Variants in PRKG1 observed in about 807,000 individuals in gnomAD.
The protein encoded by PRKG1 is protein kinase cGMP-dependent 1.
A neutral mutation model predicts 88.1 loss-of-function variants in PRKG1; 35 were observed. The observed-to-expected ratio is 0.40, with a 90% CI of 0.30 to 0.53. PRKG1 has a LOEUF of 0.53. Ranked by LOEUF, PRKG1 falls within the 20% of genes least tolerant of loss-of-function variation. The pLI is 0.59. For synonymous variants in PRKG1, 303 were observed against 292.5 expected (o/e 1.04, Z -0.37); for missense variants, 540 against 839.8 (o/e 0.64, Z 4.41).
At chr10:52,244,190 GTCT>G (rs1390488078) in intron 9 of PRKG1, among the ~76,000 whole-genome samples, 2 of 152,052 alleles carry the variant, frequency 1.3e-5, no homozygotes, top group East Asian at 3.8e-4. Flanking sequence ...AATTTTAGAA[GTCT>G]TCTTGTTTAA....
At chr10:52,128,834 A>C (rs1423492124) in intron 7 of PRKG1, among the ~76,000 whole-genome samples, 2 of 152,154 alleles carry the variant, frequency 1.3e-5, no homozygotes, top group East Asian at 3.8e-4. Context: ...TAAGCGTGAG[A>C]TTTTATTTTT....
chr10:51,558,710 T>C (rs1244972927), intron 3 of PRKG1, among the ~76,000 whole-genome samples: 1 of 152,092 alleles, frequency 6.6e-6, no homozygotes, highest in African/African-American at 2.4e-5. Context: ...CTTGTTCCTA[T>C]TCGAAGAGAC....
intron 1 of PRKG1, among the ~76,000 whole-genome samples, chr10:51,091,551 T>C (rs1205530811): frequency 6.6e-6 from 1 of 152,206 alleles, no homozygotes; most frequent in Non-Finnish European, 1.5e-5. Flanking sequence ...ATGCTAAGGT[T>C]GTATTTGGAC....
chr10:51,666,187 C>A (rs1334243935), intron 3 of PRKG1, among the ~76,000 whole-genome samples: 1 of 152,140 alleles, frequency 6.6e-6, no homozygotes, highest in Admixed American at 6.5e-5. Flanking sequence ...GTGACTCCAG[C>A]CCTAGCTCCC....
At chr10:51,443,906 C>A (rs1483797057) in intron 2 of PRKG1, among the ~76,000 whole-genome samples, 1 of 151,890 alleles carries the variant, frequency 6.6e-6, no homozygotes, top group Non-Finnish European at 1.5e-5. Context: ...TAAAGCAACC[C>A]ATCTTCTGTA....
At chr10:52,077,384 T>C (rs960646637) in intron 7 of PRKG1, among the ~76,000 whole-genome samples, 1 of 152,210 alleles carries the variant, frequency 6.6e-6, no homozygotes, top group East Asian at 1.9e-4. Flanking sequence ...CTATCTAAGA[T>C]ATTATCTGCT....
chr10:51,632,939 T>A (rs926035175), intron 3 of PRKG1, among the ~76,000 whole-genome samples: 1 of 152,224 alleles, frequency 6.6e-6, no homozygotes, highest in Non-Finnish European at 1.5e-5. Flanking sequence ...TCCAAACTCT[T>A]ATCAGCCTCT....
At chr10:51,698,843 G>A in intron 3 of PRKG1, 1 of 1,614,206 alleles carries the variant, frequency 6.2e-7, no homozygotes, top group Non-Finnish European at 8.5e-7. Context: ...AGGCTGAGGA[G>A]CTGGAGGATT....
At chr10:51,038,999 C>A (rs1843387128) in intron 1 of PRKG1, among the ~76,000 whole-genome samples, 1 of 152,208 alleles carries the variant, frequency 6.6e-6, no homozygotes, top group Admixed American at 6.5e-5. Context: ...CAGGCTTGAA[C>A]ATTTCCCTGA....
chr10:52,108,420 G>A (rs1847476288), intron 7 of PRKG1, among the ~76,000 whole-genome samples: 1 of 152,066 alleles, frequency 6.6e-6, no homozygotes, highest in Non-Finnish European at 1.5e-5. Flanking sequence ...ATGATGACAG[G>A]GTAGCAACCC....
At chr10:51,585,998 C>G (rs10740305) in intron 3 of PRKG1, among the ~76,000 whole-genome samples, 40,760 of 152,006 alleles carry the variant, frequency 0.27, 7,421 homozygotes, top group East Asian at 0.87. Flanking sequence ...GGCAAGAGGA[C>G]AAGGTTCAAA....
intron 7 of PRKG1, among the ~76,000 whole-genome samples, chr10:52,070,702 T>C (rs969202480): frequency 1.3e-5 from 2 of 152,228 alleles, no homozygotes; most frequent in Admixed American, 6.5e-5. Flanking sequence ...ACATTTTTAA[T>C]AGAAGCTGGG....
At chr10:51,715,838 T>C (rs773017121) in intron 3 of PRKG1, among the ~76,000 whole-genome samples, 13 of 152,230 alleles carry the variant, frequency 8.5e-5, no homozygotes, top group Non-Finnish European at 1.6e-4. Context: ...AATTTGATGA[T>C]GTCCATCAAA....
chr10:51,435,360 A>G (rs1838893146), intron 2 of PRKG1, among the ~76,000 whole-genome samples: 1 of 151,492 alleles, frequency 6.6e-6, no homozygotes, highest in Admixed American at 6.6e-5. Context: ...GCTTAACCAC[A>G]GGTGTGAACT....
intron 1 of PRKG1, among the ~76,000 whole-genome samples, chr10:51,042,550 G>A (rs1843437798): frequency 1.3e-5 from 2 of 152,150 alleles, no homozygotes; most frequent in African/African-American, 2.4e-5. Context: ...AATAAACAGA[G>A]AATGTTGCTA....
chr10:51,699,886 T>G, intron 3 of PRKG1, among the ~76,000 whole-genome samples: 1 of 152,210 alleles, frequency 6.6e-6, no homozygotes, highest in East Asian at 1.9e-4. Context: ...CCGCATAGAC[T>G]TCACCGTAGT....
exon 1 of PRKG1, chr10:50,990,955 T>G (rs1304074866): frequency 6.3e-6 from 1 of 158,268 alleles, no homozygotes; most frequent in African/African-American, 2.7e-5. Flanking sequence ...GGCTCTCTGA[T>G]CCAACCCTCT....
At chr10:51,577,750 C>A (rs1837924859) in intron 3 of PRKG1, among the ~76,000 whole-genome samples, 1 of 151,990 alleles carries the variant, frequency 6.6e-6, no homozygotes, top group Non-Finnish European at 1.5e-5. Flanking sequence ...TGGTTACCTG[C>A]AGTTTGGTTT....
chr10:51,431,765 A>G (rs1424045071), intron 2 of PRKG1, among the ~76,000 whole-genome samples: 1 of 152,208 alleles, frequency 6.6e-6, no homozygotes, highest in Non-Finnish European at 1.5e-5. Context: ...CAACACAGAA[A>G]GAAGGACAAT....
Sources: gnomAD v4.1 joint callset for allele counts (sites outside exome capture counted in the v4.1 genomes callset) on GRCh38, gnomAD v4.1.1 for gene constraint, MANE v1.5 for transcripts, NCBI Gene and HGNC (gene_info 2026-07-23, HGNC 2026-07-21) for gene names.